Variants in ZNRF2 observed in about 807,000 individuals in gnomAD.
ZNRF2 encodes zinc and ring finger 2, also known as E3 ubiquitin-protein ligase ZNRF2.
A neutral mutation model predicts 20.4 loss-of-function variants in ZNRF2; 16 were observed. That is an observed-to-expected ratio of 0.79 (90% CI 0.53 to 1.19). The LOEUF (loss-of-function observed/expected upper bound fraction) is 1.19. ZNRF2 is among the 50% of genes most tolerant of loss of function. The pLI is 0.00. For synonymous variants in ZNRF2, 178 were observed against 144.9 expected (o/e 1.23, Z -1.64); for missense variants, 363 against 332.4 (o/e 1.09, Z -0.72).
chr7:30,331,439 T>G (rs1420230328), intron 2 of ZNRF2, among the ~76,000 whole-genome samples: 1 of 152,054 alleles, frequency 6.6e-6, no homozygotes, highest in Non-Finnish European at 1.5e-5. Context: ...GCTGAATAGA[T>G]AGGTTAAGTG....
intron 2 of ZNRF2, among the ~76,000 whole-genome samples, chr7:30,330,854 T>G (rs192651233): frequency 3.3e-4 from 51 of 152,298 alleles, no homozygotes; most frequent in African/African-American, 1.2e-3. Flanking sequence ...ATGTGTGAAC[T>G]TCGCCTTCTG....
intron 2 of ZNRF2, among the ~76,000 whole-genome samples, chr7:30,334,370 A>G (rs1338268260): frequency 6.6e-6 from 1 of 152,124 alleles, no homozygotes; most frequent in South Asian, 2.1e-4. Flanking sequence ...TTTTTGTACC[A>G]GCACCATGAT....
intron 2 of ZNRF2, among the ~76,000 whole-genome samples, chr7:30,335,995 G>A (rs1027700501): frequency 2.0e-5 from 3 of 152,002 alleles, no homozygotes; most frequent in Admixed American, 1.3e-4. Flanking sequence ...TCAATTCAGG[G>A]GTAAAGAGAT....
intron 1 of ZNRF2, among the ~76,000 whole-genome samples, chr7:30,301,719 A>AC (rs1360082563): frequency 2.0e-4 from 30 of 151,312 alleles, no homozygotes; most frequent in Non-Finnish European, 3.8e-4. Context: ...AAAAAAAAAA[A>AC]AAAACTTATC....
Position 30,306,271 on chromosome 7 carries a change from T to G in ZNRF2, c.470-17371T>G, listed in dbSNP as rs73685994. Among the ~76,000 whole-genome samples, 1,513 of 151,914 alleles carry G rather than the reference T, an allele frequency of 1.0e-2. 23 individuals carry two copies. The highest frequency in any genetic ancestry group is 0.033 in the African/African-American group (1,387 of 41,440). On this transcript the variant is annotated intron_variant, in intron 1 of 4. Transcript: ENST00000323037. ...GCATTACATAAAATACTTAAAATAATGAAAGCTATTGAAACAAAGTCAGGA... is the reference window on the plus strand; with the variant it reads ...GCATTACATAAAATACTTAAAATAAGGAAAGCTATTGAAACAAAGTCAGGA...
intron 2 of ZNRF2, among the ~76,000 whole-genome samples, chr7:30,353,970 C>T (rs546541433): frequency 2.0e-5 from 3 of 152,090 alleles, no homozygotes; most frequent in East Asian, 1.9e-4. Flanking sequence ...TTTAGTGTCT[C>T]CTTTAGATCC....
chr7:30,357,769 C>T (rs912234647), intron 3 of ZNRF2, among the ~76,000 whole-genome samples: 3 of 152,000 alleles, frequency 2.0e-5, no homozygotes, highest in African/African-American at 4.8e-5. Context: ...TACCAGATAT[C>T]CAAAGAACAC....
intron 1 of ZNRF2, among the ~76,000 whole-genome samples, 159 bp from the exon 2 acceptor site, chr7:30,323,483 A>G (rs2128063343): frequency 6.6e-6 from 1 of 152,348 alleles, no homozygotes; most frequent in Non-Finnish European, 1.5e-5. Context: ...GTCAGATATT[A>G]TAATCACAAA....
At chr7:30,329,084 CCTT>C (rs1207134192) in intron 2 of ZNRF2, among the ~76,000 whole-genome samples, 1 of 152,042 alleles carries the variant, frequency 6.6e-6, no homozygotes, top group Non-Finnish European at 1.5e-5. Context: ...TTTCCTTGCT[CCTT>C]CTAGGATATT....
intron 2 of ZNRF2, among the ~76,000 whole-genome samples, chr7:30,327,232 C>T (rs758265979): frequency 6.6e-6 from 1 of 152,118 alleles, no homozygotes; most frequent in Admixed American, 6.6e-5. Flanking sequence ...AATGGTATTG[C>T]ATAAGTTGTC....
At chr7:30,285,911 C>T (rs1420237150) in intron 1 of ZNRF2, 85 bp downstream of exon 1, 7 of 1,339,986 alleles carry the variant, frequency 5.2e-6, no homozygotes, top group African/African-American at 1.5e-5. Context: ...TACCCTTCTC[C>T]TTTTCTCCTT....
At chr7:30,309,001 ATTATT>A (rs1799251003) in intron 1 of ZNRF2, among the ~76,000 whole-genome samples, 1 of 152,132 alleles carries the variant, frequency 6.6e-6, no homozygotes, top group Non-Finnish European at 1.5e-5. Flanking sequence ...TTTTCTCTGA[ATTATT>A]TTAAAGACAG....
intron 4 of ZNRF2, among the ~76,000 whole-genome samples, chr7:30,365,086 A>T (rs1800188354): frequency 6.8e-6 from 1 of 147,544 alleles, no homozygotes; most frequent in South Asian, 2.2e-4. Flanking sequence ...AGCACTGCAG[A>T]TTAGGTTTTA....
intron 1 of ZNRF2, among the ~76,000 whole-genome samples, chr7:30,315,721 G>T (rs1015434509): frequency 1.9e-5 from 2 of 105,858 alleles, no homozygotes; most frequent in African/African-American, 6.5e-5. Flanking sequence ...AAAGAAAAAG[G>T]TGGGGCGGGG....
At chr7:30,347,595 C>T (rs1346604976) in intron 2 of ZNRF2, among the ~76,000 whole-genome samples, 3 of 152,170 alleles carry the variant, frequency 2.0e-5, no homozygotes, top group Non-Finnish European at 4.4e-5. Flanking sequence ...TGCTTGTAGT[C>T]TCATCTACTC....
intron 1 of ZNRF2, among the ~76,000 whole-genome samples, chr7:30,291,971 G>C (rs1798919213): frequency 6.6e-6 from 1 of 152,024 alleles, no homozygotes; most frequent in South Asian, 2.1e-4. Context: ...AATAATACCT[G>C]TTCACTAGAG....
chr7:30,318,036 A>G (rs1583578589), intron 1 of ZNRF2, among the ~76,000 whole-genome samples: 2 of 152,354 alleles, frequency 1.3e-5, no homozygotes, highest in Admixed American at 1.3e-4. Context: ...GAAATAAATT[A>G]GTCAGATTAC....
intron 1 of ZNRF2, among the ~76,000 whole-genome samples, chr7:30,321,032 GC>G (rs1296603943): frequency 1.3e-5 from 2 of 152,088 alleles, no homozygotes; most frequent in African/African-American, 2.4e-5. Context: ...ATGGAGTGGG[GC>G]CTTTTTCAGT....
intron 1 of ZNRF2, among the ~76,000 whole-genome samples, chr7:30,323,316 A>G (rs1421622536): frequency 6.6e-6 from 1 of 152,224 alleles, no homozygotes; most frequent in Non-Finnish European, 1.5e-5. Flanking sequence ...TTGTAATAAC[A>G]TGAAATCATG....
Sources: gnomAD v4.1 joint callset for allele counts (sites outside exome capture counted in the v4.1 genomes callset) on GRCh38, gnomAD v4.1.1 for gene constraint, MANE v1.5 for transcripts, NCBI Gene and HGNC (gene_info 2026-07-23, HGNC 2026-07-21) for gene names.